CCDC171: variants seen among roughly 807,000 people sequenced by gnomAD.
The protein encoded by CCDC171 is coiled-coil domain containing 171.
A neutral mutation model predicts 168.2 loss-of-function variants in CCDC171; 177 were observed. The ratio of observed to expected loss-of-function variants is 1.05; its 90% CI spans 0.93 to 1.19. CCDC171 has a LOEUF of 1.19. Among genes scored for constraint, CCDC171 ranks in the 50% most tolerant of loss-of-function variants. The probability of loss-of-function intolerance (pLI) is 0.00; values close to 1 mark genes in which losing one functional copy is unlikely to be tolerated. For missense variants in CCDC171, 1,991 were observed against 1,539.0 expected, an observed-to-expected ratio of 1.29 and a Z score of -4.91; for synonymous variants, 687 against 540.8, an observed-to-expected ratio of 1.27 and a Z score of -3.75.
chr9:15,937,325 C>A (rs1442994873), intron 25 of CCDC171, among the ~76,000 whole-genome samples: 2 of 151,810 alleles, frequency 1.3e-5, no homozygotes, highest in Admixed American at 1.3e-4. Context: ...AGGAAATGAA[C>A]CTCATTAAAC....
intron 16 of CCDC171, among the ~76,000 whole-genome samples, chr9:15,741,642 CT>C (rs199823091): frequency 9.9e-5 from 15 of 151,642 alleles, no homozygotes; most frequent in East Asian, 5.8e-4. Context: ...ACCTTACTGA[CT>C]TTTTTTTCCT....
chr9:16,023,175 C>G (rs1310978993), intron 6 of CCDC171, among the ~76,000 whole-genome samples: 1 of 151,820 alleles, frequency 6.6e-6, no homozygotes, highest in African/African-American at 2.4e-5. Flanking sequence ...TCATTGTATT[C>G]TGTTTTCCCT....
chr9:16,076,415 C>T, the CCDC171 span, among the ~76,000 whole-genome samples: 2 of 152,188 alleles, frequency 1.3e-5, no homozygotes, highest in African/African-American at 4.8e-5. Context: ...TCTTCCTTCT[C>T]GTTTTTGCTG....
At chr9:15,805,907 C>G (rs2059051231) in intron 21 of CCDC171, among the ~76,000 whole-genome samples, 2 of 152,092 alleles carry the variant, frequency 1.3e-5, no homozygotes, top group Non-Finnish European at 1.5e-5. Flanking sequence ...CTTTGAAGGT[C>G]TCTAAGAATG....
At chr9:15,587,551 C>CA (rs1316399304) in intron 4 of CCDC171, 4 of 439,768 alleles carry the variant, frequency 9.1e-6, no homozygotes, top group African/African-American at 4.0e-5. Context: ...TGTCTTTATC[C>CA]AAAAAAACAG....
intron 24 of CCDC171, chr9:15,887,818 C>T (rs1256948007): frequency 6.6e-6 from 1 of 152,006 alleles, no homozygotes; most frequent in Non-Finnish European, 1.5e-5. Context: ...ACTAGCCAAT[C>T]AAATCCTTCC....
intron 25 of CCDC171, among the ~76,000 whole-genome samples, chr9:15,949,322 T>C (rs556095244): frequency 2.6e-5 from 4 of 152,274 alleles, no homozygotes; most frequent in African/African-American, 9.6e-5. Flanking sequence ...TTTGGTTCCA[T>C]ATGAACTTTA....
At chr9:16,092,732 A>T in the CCDC171 span, among the ~76,000 whole-genome samples, 1 of 151,964 alleles carries the variant, frequency 6.6e-6, no homozygotes, top group Non-Finnish European at 1.5e-5. Flanking sequence ...TTGCAAGTTT[A>T]CCCTGGGCTC....
chr9:15,943,084 T>A (rs1457313181), intron 25 of CCDC171, among the ~76,000 whole-genome samples: 1 of 151,932 alleles, frequency 6.6e-6, no homozygotes, highest in Non-Finnish European at 1.5e-5. Flanking sequence ...TTTGAAGATT[T>A]TGTGTTTCGT....
intron 9 of CCDC171, among the ~76,000 whole-genome samples, chr9:15,677,926 A>ATATATATAC (rs1554754419): frequency 3.5e-5 from 1 of 28,238 alleles, no homozygotes; most frequent in Admixed American, 6.0e-4. Context: ...ATATATATAT[A>ATATATATAC]AGAGATGTGG....
At chr9:15,633,374 A>G (rs1486224629) in intron 7 of CCDC171, among the ~76,000 whole-genome samples, 1 of 152,212 alleles carries the variant, frequency 6.6e-6, no homozygotes, top group African/African-American at 2.4e-5. Context: ...ACATGAACAG[A>G]CACTTCTGAA....
At chr9:15,746,038 A>T (rs558217580) in intron 18 of CCDC171, among the ~76,000 whole-genome samples, 1 of 152,138 alleles carries the variant, frequency 6.6e-6, no homozygotes, top group South Asian at 2.1e-4. Flanking sequence ...GTTTTGTGAT[A>T]TATTTTTTTA....
rs1419506468 is a variant in CCDC171 at position 15,821,205 on chromosome 9, C to A, written c.3268-25497C>A. 1.7e-5 allele frequency among the ~76,000 whole-genome samples: 2 copies of A among 117,400 alleles called. 1 individual carries two copies. Among genetic ancestry groups the A allele is most frequent in the Non-Finnish European group, 3.8e-5 (2 of 52,264 alleles). 77.0% of individuals were successfully genotyped at this position (117,400 alleles called of 152,430 possible). ...TGTATCTCAAAATAATAAGAGCTATCTATGACAGACCCACACCCAGTATCA... is the reference window on the plus strand; with the variant it reads ...TGTATCTCAAAATAATAAGAGCTATATATGACAGACCCACACCCAGTATCA... On this transcript the variant is annotated intron_variant, in intron 21 of 25. Coordinates refer to ENST00000380701, the MANE Select transcript of CCDC171 (RefSeq NM_173550.4).
chr9:15,629,300 G>A (rs911587665), intron 7 of CCDC171, among the ~76,000 whole-genome samples: 2 of 152,000 alleles, frequency 1.3e-5, no homozygotes, highest in African/African-American at 2.4e-5. Flanking sequence ...TTAGACGAAT[G>A]TATAGAATAA....
intron 6 of CCDC171, among the ~76,000 whole-genome samples, chr9:16,029,542 G>A (rs1833333738): frequency 6.6e-6 from 1 of 152,220 alleles, no homozygotes; most frequent in Non-Finnish European, 1.5e-5. Flanking sequence ...AATAGGGGCA[G>A]TAGGAGTGCT....
At chr9:16,077,812 G>A in the CCDC171 span, among the ~76,000 whole-genome samples, 1 of 152,228 alleles carries the variant, frequency 6.6e-6, no homozygotes, top group Non-Finnish European at 1.5e-5. Flanking sequence ...TTGGACAAAT[G>A]AGGGAGGCAT....
At chr9:15,746,233 C>T (rs1412597388) in intron 18 of CCDC171, among the ~76,000 whole-genome samples, 1 of 152,128 alleles carries the variant, frequency 6.6e-6, no homozygotes, top group Non-Finnish European at 1.5e-5. Context: ...ATGGTCATTT[C>T]AGACACATTA....
Position 15,992,436 on chromosome 9 carries a change from A to C in CCDC171, n.369-28153A>C, listed in dbSNP as rs1223619808. Among the ~76,000 whole-genome samples, 3 of 152,316 alleles carry C rather than the reference A, an allele frequency of 2.0e-5. No homozygotes were observed. In the East Asian group the frequency reaches 5.8e-4, roughly 29 times the overall value. On this transcript the variant is annotated intron_variant and non_coding_transcript_variant, in intron 3 of 9. Coordinates refer to the CCDC171 transcript ENST00000486641. The stretch of plus-strand genomic sequence containing the variant: ...TCTCAATAAATTAGGTATTGATGGG[A>C]TGTATCTCAAAATAATAAGAGCTAT...
intron 18 of CCDC171, among the ~76,000 whole-genome samples, chr9:15,777,208 G>A (rs1398121916): frequency 6.6e-6 from 1 of 152,142 alleles, no homozygotes; most frequent in East Asian, 1.9e-4. Context: ...TAATTGCCTT[G>A]GAATAAGGCA....
Sources: allele counts gnomAD v4.1 joint callset (sites outside exome capture counted in the v4.1 genomes callset), GRCh38; gene constraint gnomAD v4.1.1; transcripts MANE v1.5; gene names NCBI Gene and HGNC (gene_info 2026-07-23, HGNC 2026-07-21).